Variants in EFCAB8 observed in about 807,000 individuals in gnomAD.
The protein encoded by EFCAB8 is EF-hand calcium-binding domain-containing protein 8.
A neutral mutation model predicts 116.3 loss-of-function variants in EFCAB8; 100 were observed. The observed-to-expected ratio is 0.86, with a 90% CI of 0.73 to 1.02. EFCAB8 has a LOEUF of 1.02. Among genes scored for constraint, EFCAB8 ranks in the 50% least tolerant of loss-of-function variants. EFCAB8 has a pLI of 0.00. For synonymous variants in EFCAB8, 558 were observed against 567.9 expected, an observed-to-expected ratio of 0.98 and a Z score of 0.25; for missense variants, 1,320 against 1,416.9, an observed-to-expected ratio of 0.93 and a Z score of 1.10.
At chr20:32,875,832 C>A in intron 3 of EFCAB8, 94 bp from the exon 4 acceptor site, 2 of 1,115,364 alleles carry the variant, frequency 1.8e-6, no homozygotes, top group Non-Finnish European at 2.6e-6. Context: ...TCAGTGTGTC[C>A]CCCTCAGCAC....
intron 3 of EFCAB8, among the ~76,000 whole-genome samples, chr20:32,869,392 C>T (rs1161300175): frequency 6.6e-6 from 1 of 152,136 alleles, no homozygotes; most frequent in African/African-American, 2.4e-5. Flanking sequence ...TGTGCCACCA[C>T]GCCTGGCTGT....
chr20:32,863,216 A>T (rs6058917), intron 1 of EFCAB8, among the ~76,000 whole-genome samples: 108,357 of 151,844 alleles, frequency 0.71, 39,064 homozygotes, highest in Middle Eastern at 0.79. Flanking sequence ...GGTGCTCCAA[A>T]GACCCTAACA....
chr20:32,939,567 G>A (rs1451018505), intron 22 of EFCAB8, among the ~76,000 whole-genome samples: 1 of 147,522 alleles, frequency 6.8e-6, no homozygotes, highest in East Asian at 2.0e-4. Context: ...GCAGGCATGA[G>A]CCACCTCGCC....
intron 20 of EFCAB8, among the ~76,000 whole-genome samples, chr20:32,923,852 G>A (rs534729294): frequency 1.3e-5 from 2 of 152,044 alleles, no homozygotes; most frequent in Non-Finnish European, 2.9e-5. Flanking sequence ...TGCTGCCGCT[G>A]GGTTTTGCCT....
chr20:32,867,761 G>A lies in EFCAB8; in HGVS notation c.208+14G>A, dbSNP rs2146171872. 3 of 1,549,268 alleles carry A rather than the reference G, an allele frequency of 1.9e-6. No homozygotes were observed. Among genetic ancestry groups the A allele is most frequent in the African/African-American group, 1.4e-5 (1 of 73,120 alleles). On this transcript the variant is annotated intron_variant, in intron 3 of 26. Transcript: ENST00000400522. ...ACTCGACTGGAGGTAAGGCCGCTCT[G>A]TAGGCTCGGTTTTTGTGTGAGTTCT...
At position 32,913,568 on chromosome 20, in the gene EFCAB8, A is replaced by C. The variant is rs374980379; in HGVS notation, c.1856+704A>C. On this transcript the variant is annotated intron_variant, in intron 17 of 26. Transcript: ENST00000400522. ...ATATTCATTTCATCCCAATAGCCCA[A>C]AAGTCTTAACTTGTTCCAGTATCAA... is the stretch of plus-strand genomic sequence containing the variant. Among the ~76,000 whole-genome samples the C allele has an allele frequency of 2.0e-5, 3 of 152,284 alleles. No individual in the cohort carries two copies. The East Asian group carries it at 5.8e-4, about 29-fold the overall frequency.
At chr20:32,939,184 TTTCTTTCTTTCTTTCTTTC>T (rs1988286717) in intron 22 of EFCAB8, among the ~76,000 whole-genome samples, 31 of 88,462 alleles carry the variant, frequency 3.5e-4, no homozygotes, top group Admixed American at 6.2e-4. Context: ...TCTTTCTTTC[TTTCTTTCTTTCTTTCTTTC>T]CTCTCTCTCT....
At chr20:32,934,290 C>A (rs760513442) in intron 22 of EFCAB8, among the ~76,000 whole-genome samples, 95 of 150,718 alleles carry the variant, frequency 6.3e-4, no homozygotes, top group Non-Finnish European at 1.2e-3. Flanking sequence ...TTTTTTTTCT[C>A]TTTTAAGGCT....
chr20:32,901,909 A>G (rs1177586281), intron 11 of EFCAB8, among the ~76,000 whole-genome samples: 1 of 152,044 alleles, frequency 6.6e-6, no homozygotes, highest in East Asian at 1.9e-4. Context: ...GATGGTCTTC[A>G]TCTCTTGACC....
At chr20:32,933,531 A>G (rs1156574175) in intron 22 of EFCAB8, among the ~76,000 whole-genome samples, 1 of 152,140 alleles carries the variant, frequency 6.6e-6, no homozygotes, top group Non-Finnish European at 1.5e-5. Context: ...GACTATAGTC[A>G]CTCTGCTGTG....
rs1181752962 is a variant in EFCAB8, at chr20:32,939,867, G to A, written c.2791-3769G>A. Reference sequence around the variant, plus strand: ...CCGCCACCATGCCTGGCTAATTTTTGTATTTTCAGTAGAGATGGGGTTTTG... The same window carrying A: ...CCGCCACCATGCCTGGCTAATTTTTATATTTTCAGTAGAGATGGGGTTTTG... On this transcript the variant is annotated intron_variant, in intron 22 of 26. Coordinates refer to ENST00000400522, the MANE Select transcript of EFCAB8 (RefSeq NM_001143967.2). Among the ~76,000 whole-genome samples, 2 of 147,680 alleles carry A rather than the reference G, an allele frequency of 1.4e-5. 1 individual carries two copies. The highest frequency in any genetic ancestry group is 3.0e-5 in the Non-Finnish European group (2 of 66,754).
intron 4 of EFCAB8, 147 bp downstream of exon 4, chr20:32,876,191 GGT>G: frequency 2.9e-6 from 2 of 686,606 alleles, no homozygotes; most frequent in South Asian, 3.7e-5. Context: ...GGACTTGCCT[GGT>G]GGAGACGTCC....
At chr20:32,920,318 T>C (rs1260757038) in intron 20 of EFCAB8, 103 bp downstream of exon 20, 122 of 1,441,562 alleles carry the variant, frequency 8.5e-5, no homozygotes, top group South Asian at 1.4e-5. Context: ...GGGCCCGGCC[T>C]GATTCTCCCC....
intron 23 of EFCAB8, among the ~76,000 whole-genome samples, chr20:32,946,026 G>T (rs1352481374): frequency 6.6e-6 from 1 of 152,180 alleles, no homozygotes; most frequent in Admixed American, 6.5e-5. Context: ...CCCCTCAAAG[G>T]CTAACATTGG....
At chr20:32,920,020 C>T (rs1383947228) in intron 19 of EFCAB8, 58 bp from the exon 20 acceptor site, 3 of 1,549,690 alleles carry the variant, frequency 1.9e-6, no homozygotes, top group Non-Finnish European at 2.6e-6. Context: ...GGTCTCTGGT[C>T]CCCTATGGGG....
intron 17 of EFCAB8, among the ~76,000 whole-genome samples, chr20:32,913,074 A>T (rs1351524933): frequency 6.6e-6 from 1 of 152,142 alleles, no homozygotes; most frequent in Admixed American, 6.5e-5. Flanking sequence ...GGTGCCTGGG[A>T]TGGGTATAAA....
rs1474605267 is a variant in EFCAB8 at position 32,889,373 on chromosome 20, C to G, written c.640C>G (p.Leu214Val). 4 of 1,551,748 alleles carry G rather than the reference C, an allele frequency of 2.6e-6. No homozygotes were observed. The highest frequency in any genetic ancestry group is 3.5e-6 in the Non-Finnish European group (4 of 1,147,040). ...CATGGTATGTCTGCACAATATGAACCTCGTTGCAGTTGCGTCTACCAGGCA... is the reference window on the plus strand; with the variant it reads ...CATGGTATGTCTGCACAATATGAACGTCGTTGCAGTTGCGTCTACCAGGCA... ...IDMVCLHNMN[L>V]VAVASTRQKI... The change falls in exon 7 of 27, where the codon CTC becomes GTC. Residue 214 changes from leucine to valine, a missense_variant. Transcript: ENST00000400522.
At chr20:32,953,996 G>A (rs1988881572) in intron 23 of EFCAB8, among the ~76,000 whole-genome samples, 1 of 152,076 alleles carries the variant, frequency 6.6e-6, no homozygotes. Context: ...AGTAGAGACA[G>A]AGTTTCATCA....
In EFCAB8 at chr20:32,911,712, G is replaced by A. The variant is rs2146245974; in HGVS notation, c.1785+5G>A. ...CCCAGTCCGGAACAGCTGGAGGTCAGTCTTGCTTGTCAATTACAGCCAGGG... is the reference window on the plus strand; with the variant it reads ...CCCAGTCCGGAACAGCTGGAGGTCAATCTTGCTTGTCAATTACAGCCAGGG... On this transcript the variant is annotated splice_donor_5th_base_variant and intron_variant, in intron 16 of 26. Coordinates refer to ENST00000400522, the MANE Select transcript of EFCAB8 (RefSeq NM_001143967.2). The A allele has an allele frequency of 6.4e-7, 1 of 1,551,626 alleles. No homozygotes were observed. Among genetic ancestry groups the A allele is most frequent in the Middle Eastern group, 1.7e-4 (1 of 5,990 alleles).
Sources: gnomAD v4.1 joint callset for allele counts (sites outside exome capture counted in the v4.1 genomes callset) on GRCh38, gnomAD v4.1.1 for gene constraint, MANE v1.5 for transcripts, NCBI Gene and HGNC (gene_info 2026-07-23, HGNC 2026-07-21) for gene names.